Variants in SCHIP1 observed in about 807,000 individuals in gnomAD.
SCHIP1 encodes schwannomin-interacting protein 1.
SCHIP1 carries 8 observed loss-of-function variants against 29.7 expected under a neutral mutation model. The observed-to-expected ratio is 0.27, with a 90% CI of 0.16 to 0.49. The LOEUF (loss-of-function observed/expected upper bound fraction) is 0.49. Among genes scored for constraint, SCHIP1 ranks in the 20% least tolerant of loss-of-function variants. The pLI, the probability that SCHIP1 is intolerant of heterozygous loss-of-function variation, is 0.99. For missense variants in SCHIP1, 193 were observed against 294.6 expected (o/e 0.66, Z 2.52); for synonymous variants, 76 against 94.9 (o/e 0.80, Z 1.16).
At chr3:159,571,552 C>T in the SCHIP1 span, among the ~76,000 whole-genome samples, 1 of 152,120 alleles carries the variant, frequency 6.6e-6, no homozygotes, top group Admixed American at 6.6e-5. Context: ...TGAGGATTTT[C>T]ACATCAATGT....
chr3:159,398,493 TAAAAGTAACTTTAG>T, the SCHIP1 span, among the ~76,000 whole-genome samples: 78 of 152,280 alleles, frequency 5.1e-4, 1 homozygote, highest in Non-Finnish European at 1.3e-4. Flanking sequence ...TTGACTTTTG[TAAAAGTAACTTTAG>T]AAAAGTAACT....
the SCHIP1 span, among the ~76,000 whole-genome samples, chr3:159,757,409 A>G: frequency 6.6e-6 from 1 of 152,180 alleles, no homozygotes; most frequent in Non-Finnish European, 1.5e-5. Flanking sequence ...AGCTGCCCCC[A>G]TGATTCAATC....
the SCHIP1 span, among the ~76,000 whole-genome samples, chr3:159,773,806 T>TAGAG: frequency 1.3e-5 from 2 of 152,346 alleles, no homozygotes; most frequent in Non-Finnish European, 2.9e-5. Context: ...GGAGAGAAGA[T>TAGAG]CTCTGTGTGG....
At chr3:159,426,450 C>T in the SCHIP1 span, among the ~76,000 whole-genome samples, 1 of 152,172 alleles carries the variant, frequency 6.6e-6, no homozygotes, top group Non-Finnish European at 1.5e-5. Context: ...TGGATACATT[C>T]CTCAACACAT....
exon 4 of SCHIP1, chr3:159,887,788 A>G: frequency 6.2e-7 from 1 of 1,614,062 alleles, no homozygotes; most frequent in East Asian, 2.2e-5. Context: ...ACTTCCTTAC[A>G]AGGCAAAAGA....
At chr3:159,709,647 C>T in the SCHIP1 span, among the ~76,000 whole-genome samples, 1 of 152,150 alleles carries the variant, frequency 6.6e-6, no homozygotes, top group Non-Finnish European at 1.5e-5. Flanking sequence ...TTTGACTTGA[C>T]CATATCTTTA....
the SCHIP1 span, among the ~76,000 whole-genome samples, chr3:159,706,644 T>C: frequency 6.6e-6 from 1 of 151,936 alleles, no homozygotes; most frequent in East Asian, 1.9e-4. Flanking sequence ...GCACACACAG[T>C]CTAAAGAAGA....
chr3:159,706,951 A>G, the SCHIP1 span, among the ~76,000 whole-genome samples: 1 of 152,220 alleles, frequency 6.6e-6, no homozygotes, highest in Non-Finnish European at 1.5e-5. Flanking sequence ...GACACTCGTT[A>G]TGTGTCCAGC....
intron 1 of SCHIP1, among the ~76,000 whole-genome samples, chr3:159,849,727 G>C (rs1712329179): frequency 6.6e-6 from 1 of 152,208 alleles, no homozygotes; most frequent in South Asian, 2.1e-4. Context: ...GAGCATCCAG[G>C]TGGGGTGTGG....
chr3:159,518,409 T>C, the SCHIP1 span, among the ~76,000 whole-genome samples: 9 of 152,172 alleles, frequency 5.9e-5, no homozygotes, highest in African/African-American at 2.2e-4. Context: ...TATTATCTTC[T>C]TGTGCACCTG....
chr3:159,476,900 T>TGA, the SCHIP1 span, among the ~76,000 whole-genome samples: 1 of 152,134 alleles, frequency 6.6e-6, no homozygotes, highest in Non-Finnish European at 1.5e-5. Flanking sequence ...CAAAACTTAT[T>TGA]CTGTCTATCT....
At chr3:159,580,639 T>C in the SCHIP1 span, among the ~76,000 whole-genome samples, 2 of 152,194 alleles carry the variant, frequency 1.3e-5, no homozygotes, top group Non-Finnish European at 2.9e-5. Flanking sequence ...ATGCCTGCTT[T>C]CATGAAAATT....
chr3:159,804,566 C>T, the SCHIP1 span, among the ~76,000 whole-genome samples: 19 of 152,204 alleles, frequency 1.2e-4, no homozygotes, highest in African/African-American at 4.3e-4. Context: ...GTGATGTCTG[C>T]AGGGTAGGGT....
the SCHIP1 span, among the ~76,000 whole-genome samples, chr3:159,598,412 C>T: frequency 0.011 from 1,663 of 152,292 alleles, 32 homozygotes; most frequent in African/African-American, 0.037. Flanking sequence ...TGGATAAATG[C>T]TCCTGTTCCA....
the SCHIP1 span, among the ~76,000 whole-genome samples, chr3:159,375,501 C>G: frequency 6.6e-6 from 1 of 152,146 alleles, no homozygotes; most frequent in Non-Finnish European, 1.5e-5. Flanking sequence ...CTTTGGGAGG[C>G]CGAGGCAGGT....
the SCHIP1 span, among the ~76,000 whole-genome samples, chr3:159,620,593 A>G: frequency 0.17 from 26,269 of 152,234 alleles, 6,465 homozygotes; most frequent in African/African-American, 0.55. Context: ...AACTGACCCT[A>G]TAATTCTTGG....
the SCHIP1 span, among the ~76,000 whole-genome samples, chr3:159,763,496 G>T: frequency 6.6e-6 from 1 of 152,156 alleles, no homozygotes; most frequent in African/African-American, 2.4e-5. Context: ...CTAACTGGCT[G>T]GACCTGCGCC....
the SCHIP1 span, among the ~76,000 whole-genome samples, chr3:159,286,861 G>A: frequency 5.0e-4 from 76 of 152,268 alleles, no homozygotes; most frequent in African/African-American, 1.8e-3. Flanking sequence ...TTGGCCACAT[G>A]TATGTCTTCT....
chr3:159,601,453 TACTC>T, the SCHIP1 span, among the ~76,000 whole-genome samples: 8 of 152,328 alleles, frequency 5.3e-5, no homozygotes, highest in African/African-American at 1.9e-4. Flanking sequence ...TTGTAGTTGT[TACTC>T]ACCACCTCAG....
Sources: gnomAD v4.1 joint callset for allele counts (sites outside exome capture counted in the v4.1 genomes callset) on GRCh38, gnomAD v4.1.1 for gene constraint, MANE v1.5 for transcripts, NCBI Gene and HGNC (gene_info 2026-07-23, HGNC 2026-07-21) for gene names.